The following FBLN7 variants were observed in gnomAD, a reference collection of about 807,000 sequenced individuals.
FBLN7 encodes the protein fibulin-7.
Under a neutral mutation model 44.0 loss-of-function variants are expected in FBLN7, and 31 were observed. That is an observed-to-expected ratio of 0.70 (90% CI 0.53 to 0.95). FBLN7 has a LOEUF of 0.95. FBLN7 is among the 40% of genes least tolerant of loss of function. The pLI is 0.00. For missense variants in FBLN7, 573 were observed against 618.5 expected, an observed-to-expected ratio of 0.93 and a Z score of 0.78; for synonymous variants, 262 against 253.4, an observed-to-expected ratio of 1.03 and a Z score of -0.32.
At chr2:112,186,828 G>A (rs960563783) in intron 7 of FBLN7, among the ~76,000 whole-genome samples, 1 of 152,126 alleles carries the variant, frequency 6.6e-6, no homozygotes, top group East Asian at 1.9e-4. Flanking sequence ...AATATTCCCA[G>A]GCTATATTTT....
At chr2:112,238,315 C>A in the FBLN7 span, 1 of 1,612,794 alleles carries the variant, frequency 6.2e-7, no homozygotes, top group South Asian at 1.1e-5. Context: ...TGACTCTTAC[C>A]CTGTGGGGTA....
the FBLN7 span, among the ~76,000 whole-genome samples, chr2:112,216,683 CAA>C: frequency 9.9e-5 from 12 of 120,986 alleles, no homozygotes; most frequent in Admixed American, 1.7e-4. Context: ...AGAACTGAAG[CAA>C]AAAAAAAAAA....
the FBLN7 span, among the ~76,000 whole-genome samples, chr2:112,196,508 C>A: frequency 2.0e-5 from 3 of 151,576 alleles, no homozygotes; most frequent in Admixed American, 2.0e-4. Context: ...CAGGCTCGCA[C>A]GATCCTCCCA....
intron 3 of FBLN7, among the ~76,000 whole-genome samples, chr2:112,167,140 T>C (rs527706524): frequency 6.6e-6 from 1 of 152,352 alleles, no homozygotes; most frequent in South Asian, 2.1e-4. Context: ...CTGTTTTTTC[T>C]TGCTTGCTCA....
Position 112,182,855 on chromosome 2 carries a change from G to A in FBLN7, c.735G>A (p.Val245=), listed in dbSNP as rs1239276177. ...CCCGGCTCTGCATGCACGCCTGCGTGAACACCCCGGGCTCTTACCGTTGCA... is the reference window on the plus strand; with the variant it reads ...CCCGGCTCTGCATGCACGCCTGCGTAAACACCCCGGGCTCTTACCGTTGCA... The part of the protein sequence containing the change: ...GRPRLCMHAC[V]NTPGSYRCTC... Residue 245 remains valine (V), a synonymous_variant, in exon 6 of 8, where the codon GTG becomes GTA. Transcript: ENST00000331203. The A allele has an allele frequency of 6.2e-7, 1 of 1,612,796 alleles. No individual in the cohort carries two copies. Among genetic ancestry groups the A allele is most frequent in the African/African-American group, 1.3e-5 (1 of 74,944 alleles).
chr2:112,195,083 A>G, the FBLN7 span, among the ~76,000 whole-genome samples: 2 of 152,248 alleles, frequency 1.3e-5, no homozygotes, highest in African/African-American at 4.8e-5. Flanking sequence ...TGAGAAACTT[A>G]GGCCACCCTT....
chr2:112,156,420 A>G (rs1204940996), intron 1 of FBLN7, among the ~76,000 whole-genome samples: 1 of 152,254 alleles, frequency 6.6e-6, no homozygotes. Context: ...GCTGCCGGCC[A>G]GTAGCTGAAC....
intron 1 of FBLN7, among the ~76,000 whole-genome samples, chr2:112,159,262 C>A (rs544373910): frequency 6.9e-6 from 1 of 143,990 alleles, no homozygotes; most frequent in South Asian, 2.3e-4. Flanking sequence ...CCTGTTTTGC[C>A]TGTTTTACAT....
intron 5 of FBLN7, 136 bp downstream of exon 5, chr2:112,182,012 A>C (rs777307357): frequency 9.0e-7 from 1 of 1,112,532 alleles, no homozygotes. Context: ...GCCACTTTGC[A>C]TTATAGGTAA....
At chr2:112,232,094 G>A in the FBLN7 span, 1 of 420,460 alleles carries the variant, frequency 2.4e-6, no homozygotes, top group Admixed American at 4.2e-5. Flanking sequence ...CAGATCACTT[G>A]AGGCCAGGAG....
chr2:112,206,633 T>C, the FBLN7 span, among the ~76,000 whole-genome samples: 1 of 152,026 alleles, frequency 6.6e-6, no homozygotes, highest in African/African-American at 2.4e-5. Flanking sequence ...GGTCTCAAAC[T>C]CCTGGGCTCA....
chr2:112,158,064 A>G (rs1681528372), intron 1 of FBLN7, among the ~76,000 whole-genome samples: 1 of 151,266 alleles, frequency 6.6e-6, no homozygotes, highest in Non-Finnish European at 1.5e-5. Flanking sequence ...CACCCGGATA[A>G]TTTTTTGTAT....
chr2:112,157,993 G>A (rs960154532), intron 1 of FBLN7, among the ~76,000 whole-genome samples: 1 of 151,846 alleles, frequency 6.6e-6, no homozygotes, highest in Non-Finnish European at 1.5e-5. Context: ...GCCCCCCGGG[G>A]TTCACGCCAT....
chr2:112,182,582 C>T (rs1233825027), intron 5 of FBLN7, among the ~76,000 whole-genome samples: 3 of 152,196 alleles, frequency 2.0e-5, no homozygotes, highest in South Asian at 2.1e-4. Context: ...CCTTTTAGCC[C>T]TCTGGGCCCT....
At chr2:112,223,895 C>T in the FBLN7 span, among the ~76,000 whole-genome samples, 2 of 152,184 alleles carry the variant, frequency 1.3e-5, no homozygotes, top group East Asian at 3.8e-4. Context: ...GTAATCCCAG[C>T]ACTTTGGGAG....
the FBLN7 span, among the ~76,000 whole-genome samples, chr2:112,243,579 AAAG>A: frequency 5.3e-3 from 772 of 146,722 alleles, 5 homozygotes; most frequent in Non-Finnish European, 8.4e-3. Context: ...ATTACCTCAC[AAAG>A]AAGAATCCCA....
intron 2 of FBLN7, among the ~76,000 whole-genome samples, chr2:112,162,699 ATTT>A (rs1681940442): frequency 2.6e-5 from 4 of 152,130 alleles, no homozygotes; most frequent in Admixed American, 2.6e-4. Context: ...CTACAAATTG[ATTT>A]TTAATTAATT....
the FBLN7 span, among the ~76,000 whole-genome samples, chr2:112,236,081 T>C: frequency 1.3e-5 from 2 of 151,724 alleles, no homozygotes; most frequent in Non-Finnish European, 2.9e-5. Context: ...CTGGCCAACA[T>C]GGCGAAACCC....
the FBLN7 span, chr2:112,238,661 C>CTATT: frequency 3.4e-6 from 2 of 589,584 alleles, no homozygotes; most frequent in Middle Eastern, 4.7e-4. Context: ...GATTCATATA[C>CTATT]TATTCTCTCC....
Sources: gnomAD v4.1 joint callset for allele counts (sites outside exome capture counted in the v4.1 genomes callset) on GRCh38, gnomAD v4.1.1 for gene constraint, MANE v1.5 for transcripts, NCBI Gene and HGNC (gene_info 2026-07-23, HGNC 2026-07-21) for gene names.